GRID2: variants seen among roughly 807,000 people sequenced by gnomAD.
GRID2 encodes the protein glutamate receptor ionotropic, delta-2.
GRID2 carries 33 observed loss-of-function variants against 114.8 expected under a neutral mutation model. The ratio of observed to expected loss-of-function variants is 0.29; its 90% confidence interval spans 0.22 to 0.38. The LOEUF is 0.38. Among genes scored for constraint, GRID2 ranks in the 10% least tolerant of loss-of-function variants. GRID2 has a pLI of 1.00. For synonymous variants in GRID2, 505 were observed against 449.9 expected, an observed-to-expected ratio of 1.12 and a Z score of -1.55; for missense variants, 1,184 against 1,257.7, an observed-to-expected ratio of 0.94 and a Z score of 0.89.
chr4:92,472,122 A>T lies in GRID2; in HGVS notation c.89-118009A>T, dbSNP rs1200923286. Among the ~76,000 whole-genome samples the T allele has an allele frequency of 2.3e-5, 2 of 85,272 alleles. 1 individual carries two copies. The highest frequency in any genetic ancestry group is 1.2e-4 in the African/African-American group (2 of 16,978). 55.9% of individuals were successfully genotyped at this position (85,272 alleles called of 152,430 possible). A position where few individuals can be genotyped will look rare whatever the true frequency, so the allele number is the denominator to read the frequency against. ...CTAATTTTTTGTATTTTTAGTAGAG[A>T]CGGGGTTTCACCGTTTTAGCCGGGA... On this transcript the variant is annotated intron_variant, in intron 1 of 15. Transcript: ENST00000282020.
intron 1 of GRID2, among the ~76,000 whole-genome samples, chr4:93,801,907 A>G (rs1285533642): frequency 6.6e-6 from 1 of 152,212 alleles, no homozygotes; most frequent in Non-Finnish European, 1.5e-5. Flanking sequence ...TAAAAATCTT[A>G]CCCAGTCCCT....
At chr4:92,576,684 C>T (rs1386087822) in intron 1 of GRID2, among the ~76,000 whole-genome samples, 2 of 152,112 alleles carry the variant, frequency 1.3e-5, no homozygotes, top group Non-Finnish European at 2.9e-5. Context: ...GTGGCATGGG[C>T]CCATGATGGG....
intron 2 of GRID2, among the ~76,000 whole-genome samples, chr4:92,908,633 C>T (rs1169724339): frequency 6.6e-6 from 1 of 150,592 alleles, no homozygotes; most frequent in East Asian, 1.9e-4. Context: ...AGGTAGCACA[C>T]TTTGCTAGAT....
chr4:93,614,558 T>C (rs889437958), intron 13 of GRID2, among the ~76,000 whole-genome samples: 4 of 152,066 alleles, frequency 2.6e-5, no homozygotes, highest in Non-Finnish European at 4.4e-5. Flanking sequence ...TAAAATTATA[T>C]ATTATTCTGT....
At chr4:92,919,058 C>A (rs185892102) in intron 2 of GRID2, among the ~76,000 whole-genome samples, 32 of 152,148 alleles carry the variant, frequency 2.1e-4, no homozygotes, top group Non-Finnish European at 3.4e-4. Flanking sequence ...AGAGATTCAA[C>A]TTCTTCCTGG....
At chr4:92,386,122 A>G (rs887011086) in intron 1 of GRID2, among the ~76,000 whole-genome samples, 5 of 151,652 alleles carry the variant, frequency 3.3e-5, no homozygotes, top group African/African-American at 1.2e-4. Context: ...TCTACAATGT[A>G]GTAACATTGT....
intron 13 of GRID2, among the ~76,000 whole-genome samples, chr4:93,560,430 G>A (rs1734812752): frequency 6.6e-6 from 1 of 151,870 alleles, no homozygotes; most frequent in Non-Finnish European, 1.5e-5. Flanking sequence ...GGTGGAAGCT[G>A]GAGCAAGTGT....
chr4:93,759,267 A>C (rs1395317924), intron 14 of GRID2, among the ~76,000 whole-genome samples: 1 of 152,196 alleles, frequency 6.6e-6, no homozygotes, highest in Non-Finnish European at 1.5e-5. Flanking sequence ...CCCCTTAGGC[A>C]GTGCAAGACT....
chr4:93,322,351 C>A (rs1757322116), intron 8 of GRID2, among the ~76,000 whole-genome samples: 1 of 152,070 alleles, frequency 6.6e-6, no homozygotes, highest in African/African-American at 2.4e-5. Flanking sequence ...CCAGCTTCAT[C>A]CATGTCCTTA....
intron 8 of GRID2, among the ~76,000 whole-genome samples, chr4:93,340,935 A>G (rs1049445150): frequency 1.3e-5 from 2 of 152,016 alleles, no homozygotes; most frequent in African/African-American, 4.8e-5. Flanking sequence ...TATGCCTGGC[A>G]TTTCCAAGGC....
chr4:93,784,643 T>TAC (rs1405324186), intron 1 of GRID2, among the ~76,000 whole-genome samples: 3 of 59,848 alleles, frequency 5.0e-5, no homozygotes, highest in Middle Eastern at 7.9e-3. Flanking sequence ...GAGTCCTTTT[T>TAC]ATACACACAC....
At chr4:93,521,502 G>C (rs1578181480) in intron 13 of GRID2, among the ~76,000 whole-genome samples, 1 of 152,194 alleles carries the variant, frequency 6.6e-6, no homozygotes, top group East Asian at 1.9e-4. Context: ...AGGATCAACT[G>C]TCTGTCAAAT....
intron 11 of GRID2, among the ~76,000 whole-genome samples, chr4:93,466,107 C>T (rs1029427905): frequency 5.9e-5 from 9 of 152,158 alleles, no homozygotes; most frequent in East Asian, 3.9e-4. Flanking sequence ...AATTATATCT[C>T]GAGATCTGCA....
At chr4:93,319,312 A>G (rs532115337) in intron 8 of GRID2, among the ~76,000 whole-genome samples, 4 of 152,274 alleles carry the variant, frequency 2.6e-5, no homozygotes, top group Non-Finnish European at 5.9e-5. Flanking sequence ...CAGAGATGTT[A>G]GAGACTACTC....
chr4:93,285,156 A>G (rs977819678), intron 8 of GRID2, among the ~76,000 whole-genome samples: 1 of 106,798 alleles, frequency 9.4e-6, no homozygotes, highest in African/African-American at 3.8e-5. Flanking sequence ...TTTTCCAGAG[A>G]GCATTTTGTA....
chr4:92,947,590 A>G (rs1463483525), intron 2 of GRID2, among the ~76,000 whole-genome samples: 1 of 151,888 alleles, frequency 6.6e-6, no homozygotes, highest in Admixed American at 6.6e-5. Flanking sequence ...AACTTTTAAG[A>G]AATGTTAGAT....
At chr4:92,836,739 T>C (rs1007593190) in intron 2 of GRID2, among the ~76,000 whole-genome samples, 29 of 152,100 alleles carry the variant, frequency 1.9e-4, no homozygotes, top group African/African-American at 7.0e-4. Flanking sequence ...CACACACACA[T>C]AAATGTTAAT....
intron 1 of GRID2, among the ~76,000 whole-genome samples, chr4:92,403,405 G>A (rs1383129690): frequency 1.8e-4 from 27 of 152,020 alleles, no homozygotes; most frequent in Admixed American, 1.6e-3. Flanking sequence ...TTCATTGAAA[G>A]TGAGAGACAT....
intron 8 of GRID2, among the ~76,000 whole-genome samples, chr4:93,387,820 ACT>A (rs1369149472): frequency 7.2e-6 from 1 of 139,344 alleles, no homozygotes; most frequent in Non-Finnish European, 1.5e-5. Context: ...ACAGAGCAAG[ACT>A]CTGTCTCAAA....
Sources: allele counts gnomAD v4.1 joint callset (sites outside exome capture counted in the v4.1 genomes callset), GRCh38; gene constraint gnomAD v4.1.1; transcripts MANE v1.5; gene names NCBI Gene and HGNC (gene_info 2026-07-23, HGNC 2026-07-21).